The following SYCP2 variants were observed in gnomAD, a reference collection of about 807,000 sequenced individuals.
SYCP2 encodes the protein synaptonemal complex protein 2.
A neutral mutation model predicts 211.3 loss-of-function variants in SYCP2; 55 were observed. The ratio of observed to expected loss-of-function variants is 0.26; its 90% CI spans 0.21 to 0.33. The LOEUF (loss-of-function observed/expected upper bound fraction) is 0.33. Ranked by LOEUF, SYCP2 falls within the 10% of genes least tolerant of loss-of-function variation. The pLI is 1.00. For synonymous variants in SYCP2, 570 were observed against 555.2 expected, an observed-to-expected ratio of 1.03 and a Z score of -0.37; for missense variants, 1,731 against 1,752.0, an observed-to-expected ratio of 0.99 and a Z score of 0.21.
Position 59,901,718 on chromosome 20 carries a change from C to A in SYCP2, c.1126G>T (p.Ala376Ser). The A allele has an allele frequency of 6.2e-7, 1 of 1,604,980 alleles. No individual in the cohort carries two copies. The highest frequency in any genetic ancestry group is 8.5e-7 in the Non-Finnish European group (1 of 1,175,240). Residue 376 changes from alanine (A) to serine (S), a missense_variant, in exon 16 of 45, where the codon GCA becomes TCA. Ala to Ser is a moderately conservative substitution (Grantham distance 99). Coordinates refer to ENST00000357552, the MANE Select transcript of SYCP2 (RefSeq NM_014258.4). ...EGKELLLYFD[A>S]SLEITNVTQK... ...GTTACATTAGTGATTTCTAGTGATG[C>A]GTCAAAATACAAAAGCAATTCTTTC... is the stretch of plus-strand genomic sequence containing the variant.
intron 33 of SYCP2, 36 bp downstream of exon 33, chr20:59,877,349 G>T (rs761982462): frequency 3.6e-6 from 5 of 1,379,390 alleles, no homozygotes; most frequent in Non-Finnish European, 4.8e-6. Flanking sequence ...TATTTTAAGA[G>T]GCTTTTAGAA....
In SYCP2 at chr20:59,916,414, G is replaced by T. The variant is rs189887866; in HGVS notation, c.513+72C>A. 115 of 836,912 alleles carry T rather than the reference G, an allele frequency of 1.4e-4. No individual in the cohort carries two copies. The African/African-American group carries it at 1.8e-3, about 13-fold the overall frequency. The allele number at this position is 836,912 out of a possible 1,614,324, so 51.8% of individuals were successfully genotyped here. On this transcript the variant is annotated intron_variant, in intron 8 of 44. Transcript: ENST00000357552. ...AATTTTGTCCTACATGAAATAAATTGTCAATTTAATTGCTATTGATTTTCT... is the reference window on the plus strand; with the variant it reads ...AATTTTGTCCTACATGAAATAAATTTTCAATTTAATTGCTATTGATTTTCT...
At chr20:59,865,483 C>T (rs2059313662) in intron 43 of SYCP2, 39 bp from the exon 44 acceptor site, 2 of 1,590,240 alleles carry the variant, frequency 1.3e-6, no homozygotes, top group Non-Finnish European at 1.7e-6. Context: ...TGAAATTTAC[C>T]ATAAAGTTTT....
At chr20:59,909,058 T>G (rs2060267339) in intron 14 of SYCP2, among the ~76,000 whole-genome samples, 1 of 152,196 alleles carries the variant, frequency 6.6e-6, no homozygotes, top group African/African-American at 2.4e-5. Context: ...TGTTGATCAT[T>G]TCCTCTCATA....
intron 1 of SYCP2, chr20:59,933,175 C>T (rs566036175): frequency 1.9e-4 from 29 of 152,442 alleles, no homozygotes; most frequent in African/African-American, 5.8e-4. Context: ...CGGCGACGCG[C>T]GCAGCCCCAG....
In SYCP2 at chr20:59,867,704, A is replaced by G. The variant is rs779388924; in HGVS notation, c.4125+7T>C. On this transcript the variant is annotated splice_region_variant and intron_variant, in intron 39 of 44. Transcript: ENST00000357552. ...GGGTATAAATCATAATTTAAAGAAT[A>G]ACTCACATTATTCCTTCTCTTAAAT... 10 of 1,600,566 alleles carry G rather than the reference A, an allele frequency of 6.2e-6. No homozygotes were observed. The highest frequency in any genetic ancestry group is 7.7e-6 in the Non-Finnish European group (9 of 1,169,738).
At chr20:59,928,493 G>A (rs890696211) in intron 2 of SYCP2, among the ~76,000 whole-genome samples, 5 of 152,084 alleles carry the variant, frequency 3.3e-5, no homozygotes, top group African/African-American at 1.2e-4. Context: ...AACATGTATG[G>A]AGGAATAATG....
chr20:59,873,539 TATTTA>T (rs1374039654), intron 35 of SYCP2, among the ~76,000 whole-genome samples: 1 of 152,174 alleles, frequency 6.6e-6, no homozygotes, highest in Non-Finnish European at 1.5e-5. Flanking sequence ...TGCAATTTCT[TATTTA>T]ATATTATCAG....
At chr20:59,880,687 T>C (rs1437982167) in intron 30 of SYCP2, among the ~76,000 whole-genome samples, 1 of 151,824 alleles carries the variant, frequency 6.6e-6, no homozygotes, top group Non-Finnish European at 1.5e-5. Flanking sequence ...ATTTGTATTT[T>C]GGTGTTGATG....
intron 3 of SYCP2, 102 bp downstream of exon 3, chr20:59,922,288 G>A (rs911979835): frequency 4.8e-6 from 5 of 1,046,992 alleles, no homozygotes; most frequent in Middle Eastern, 4.4e-4. Context: ...ATAAAAACAT[G>A]TAAGCTTTAT....
At chr20:59,896,256 CAT>C (rs1350547531) in intron 19 of SYCP2, among the ~76,000 whole-genome samples, 171 bp downstream of exon 19, 22 of 152,140 alleles carry the variant, frequency 1.4e-4, no homozygotes, top group Middle Eastern at 3.4e-3. Context: ...CTGTTCTGTT[CAT>C]ATGTTAGCAT....
At chr20:59,865,983 T>C in intron 41 of SYCP2, 118 bp from the exon 42 acceptor site, 1 of 460,068 alleles carries the variant, frequency 2.2e-6, no homozygotes. Context: ...TCTATTTCTA[T>C]TATTACAAAT....
chr20:59,868,654 T>A, intron 37 of SYCP2, 86 bp from the exon 38 acceptor site: 1 of 1,408,678 alleles, frequency 7.1e-7, no homozygotes, highest in Non-Finnish European at 9.4e-7. Flanking sequence ...TAAAAAGGCT[T>A]TGTTTCCACT....
In SYCP2 at chr20:59,880,212, C is replaced by G. The variant is rs1568922775; in HGVS notation, c.2941+91G>C. The G allele has an allele frequency of 5.7e-6, 6 of 1,050,356 alleles. No individual in the cohort carries two copies. In the East Asian group the frequency reaches 1.3e-4, roughly 23 times the overall value. 65.1% of individuals were successfully genotyped at this position (1,050,356 alleles called of 1,614,324 possible). Reference sequence around the variant, plus strand: ...ATGAAAGTATGTAGTAATGAACAGTCTAAATACAATAAGCTTATATAAAGC... The same window carrying G: ...ATGAAAGTATGTAGTAATGAACAGTGTAAATACAATAAGCTTATATAAAGC... On this transcript the variant is annotated intron_variant, in intron 31 of 44. Transcript: ENST00000357552.
chr20:59,869,842 C>T lies in SYCP2; in HGVS notation c.3697G>A (p.Glu1233Lys). 1 of 1,607,192 alleles carries T rather than the reference C, an allele frequency of 6.2e-7. No individual in the cohort carries two copies. The highest frequency in any genetic ancestry group is 8.5e-7 in the Non-Finnish European group (1 of 1,175,294). Residue 1233 changes from glutamate (E) to lysine (K), a missense_variant, in exon 36 of 45, where the codon GAA (glutamate) becomes AAA (lysine). Physicochemically the swap from Glu to Lys is moderately conservative, Grantham distance 56. This residue lies in a region of SYCP2 where 1,387 missense variants were observed against 1,351.3 expected (regional missense o/e 1.03). Transcript: ENST00000357552. ...YSSEERFMEI[E>K]SPHINENYIQ... is the part of the protein sequence containing the mutation. ...TAATTTTCATTGATATGTGGAGATT[C>T]AATTTCCATAAACCGTTCTTCTGAA...
rs1020333608 is a variant in SYCP2 at position 59,863,956 on chromosome 20, A to T, written c.*355T>A. On this transcript the variant is annotated 3_prime_UTR_variant, in exon 45 of 45. Transcript: ENST00000357552. Reference sequence around the variant, plus strand: ...ACATATTTTAATTATATTCATCCCCAAACTGCATTGATTCAAAAACACATT... The same window carrying T: ...ACATATTTTAATTATATTCATCCCCTAACTGCATTGATTCAAAAACACATT... The T allele has an allele frequency of 6.5e-6, 1 of 154,732 alleles. No homozygotes were observed. Among genetic ancestry groups the T allele is most frequent in the Non-Finnish European group, 1.4e-5 (1 of 69,784 alleles). 9.6% of individuals were successfully genotyped at this position (154,732 alleles called of 1,614,324 possible).
intron 43 of SYCP2, 41 bp from the exon 44 acceptor site, chr20:59,865,485 TAA>T (rs767831156): frequency 1.3e-6 from 2 of 1,591,530 alleles, no homozygotes; most frequent in African/African-American, 2.7e-5. Context: ...AAATTTACCA[TAA>T]AGTTTTCACA....
chr20:59,912,867 C>CT (rs1232387289), intron 12 of SYCP2, among the ~76,000 whole-genome samples: 1 of 152,204 alleles, frequency 6.6e-6, no homozygotes, highest in African/African-American at 2.4e-5. Flanking sequence ...CCTTTTGCAT[C>CT]TTCCTCATTC....
intron 15 of SYCP2, 78 bp from the exon 16 acceptor site, chr20:59,901,888 TAGC>T (rs2060122519): frequency 1.7e-6 from 2 of 1,152,168 alleles, no homozygotes; most frequent in Admixed American, 5.7e-5. Context: ...GACATGGATG[TAGC>T]AGATTAATTG....
Sources: allele counts gnomAD v4.1 joint callset (sites outside exome capture counted in the v4.1 genomes callset), GRCh38; gene constraint gnomAD v4.1.1; regional missense constraint gnomAD v4.1.1; transcripts MANE v1.5; gene names NCBI Gene and HGNC (gene_info 2026-07-23, HGNC 2026-07-21).